The following SREBF1 variants were observed in gnomAD, a reference collection of about 807,000 sequenced individuals.
SREBF1 encodes the protein sterol regulatory element binding transcription factor 1, also known as sterol regulatory element-binding protein 1.
SREBF1 carries 45 observed loss-of-function variants against 100.1 expected under a neutral mutation model. The ratio of observed to expected loss-of-function variants is 0.45; its 90% CI spans 0.35 to 0.58. The LOEUF is 0.58. SREBF1 is among the 20% of genes least tolerant of loss of function. The pLI is 0.00. For synonymous variants in SREBF1, 657 were observed against 681.8 expected (o/e 0.96, Z 0.57); for missense variants, 1,324 against 1,539.4 (o/e 0.86, Z 2.34).
chr17:17,814,792 G>T, intron 14 of SREBF1, 43 bp downstream of exon 14: 1 of 1,609,436 alleles, frequency 6.2e-7, no homozygotes, highest in Non-Finnish European at 8.5e-7. Context: ...CACGCTGCAC[G>T]GGGGAGCTGA....
chr17:17,827,511 G>A (rs1263864298), intron 1 of SREBF1, among the ~76,000 whole-genome samples: 1 of 152,232 alleles, frequency 6.6e-6, no homozygotes, highest in Non-Finnish European at 1.5e-5. Flanking sequence ...CCTAACTGGA[G>A]TCGGCGGTCC....
rs762653602 is a variant in SREBF1 at position 17,813,767 on chromosome 17, G to A, written c.2904C>T (p.Ala968=). Residue 968 remains alanine (A), a splice_region_variant and synonymous_variant, in exon 17 of 19, where the codon GCC becomes GCT. Transcript: ENST00000261646. ...TTPASSSIDK[A]VQLFLCDLLL... ...GCAGGTCACACAGGAACAGCTGCAC[G>A]GCCTGGGGGTGGCAGGCAGGGCAGG... 72 of 1,535,298 alleles carry A rather than the reference G, an allele frequency of 4.7e-5. 1 individual carries two copies. The Middle Eastern group carries it at 1.2e-3, about 25-fold the overall frequency.
At chr17:17,813,161 C>G in intron 18 of SREBF1, 2 of 621,086 alleles carry the variant, frequency 3.2e-6, no homozygotes, top group Non-Finnish European at 5.8e-6. Context: ...CAGGGACTCT[C>G]CCTGTCACTC....
chr17:17,813,492 A>T lies in SREBF1; in HGVS notation c.3103-13T>A. ...CATGTAGGAACACCTGGGGGCCAGG[A>T]GAGTGGAGGCTCAGGGCTCTCCATC... is the stretch of plus-strand genomic sequence containing the variant. On this transcript the variant is annotated splice_polypyrimidine_tract_variant and intron_variant, in intron 17 of 18. Transcript: ENST00000261646. The T allele has an allele frequency of 6.3e-7, 1 of 1,593,126 alleles. No homozygotes were observed. The highest frequency in any genetic ancestry group is 8.5e-7 in the Non-Finnish European group (1 of 1,169,930).
intron 1 of SREBF1, among the ~76,000 whole-genome samples, chr17:17,829,205 A>AAAAAAAAAAAAAAAAAATATATAT (rs1210718799): frequency 1.5e-5 from 1 of 65,848 alleles, no homozygotes; most frequent in African/African-American, 8.8e-5. Flanking sequence ...AAAAAAAAAA[A>AAAAAAAAAAAAAAAAAATATATAT]ATATATATAT....
At chr17:17,828,535 A>G (rs1276734545) in intron 1 of SREBF1, among the ~76,000 whole-genome samples, 2 of 152,164 alleles carry the variant, frequency 1.3e-5, no homozygotes, top group Admixed American at 6.5e-5. Flanking sequence ...CATACTTATC[A>G]CTGGCAGCTG....
Position 17,814,815 on chromosome 17 carries a change from G to T in SREBF1, c.2602+20C>A. 6.2e-7 allele frequency: 1 copy of T among 1,604,444 alleles called. No individual in the cohort carries two copies. The highest frequency in any genetic ancestry group is 8.5e-7 in the Non-Finnish European group (1 of 1,176,010). ...ACGGGGGAGCTGAGAAGGGAGCCAG[G>T]ACAGGGGCCGGGGACTCACCGGTGG... On this transcript the variant is annotated intron_variant, in intron 14 of 18. Transcript: ENST00000261646.
chr17:17,814,322 G>C lies in SREBF1; in HGVS notation c.2824C>G (p.Leu942Val), dbSNP rs1422113596. 1.9e-6 allele frequency: 3 copies of C among 1,594,178 alleles called. No individual in the cohort carries two copies. Among genetic ancestry groups the C allele is most frequent in the Admixed American group, 1.7e-5 (1 of 57,500 alleles). The change falls in exon 16 of 19, where the codon CTG becomes GTG. Residue 942 changes from leucine (L) to valine (V), a missense_variant. Leu to Val is a conservative substitution (Grantham distance 32). Coordinates refer to ENST00000261646, the MANE Select transcript of SREBF1 (RefSeq NM_004176.5). ...CCACTGGCCTTCTCACAGATGGTCAGGCTGGCTGGACCAGACTCTGCCTTG... is the reference window on the plus strand; with the variant it reads ...CCACTGGCCTTCTCACAGATGGTCACGCTGGCTGGACCAGACTCTGCCTTG... ...CAKAESGPAS[L>V]TICEKASGYL...
chr17:17,815,136 G>T, intron 13 of SREBF1, 85 bp downstream of exon 13: 1 of 1,386,002 alleles, frequency 7.2e-7, no homozygotes, highest in Non-Finnish European at 1.0e-6. Flanking sequence ...CCAGCTCTGG[G>T]CTCTCTCCAC....
In SREBF1 at chr17:17,836,765, G is replaced by A; in HGVS notation, c.53C>T (p.Pro18Leu). Reference sequence around the variant, plus strand: ...CAGCAGCGCCGCGTCCAGATCGCACGGCTCGCCCAGCGCCTGCTCCAAAGC... The same window carrying A: ...CAGCAGCGCCGCGTCCAGATCGCACAGCTCGCCCAGCGCCTGCTCCAAAGC... ...EAALEQALGE[P>L]CDLDAALLTD... The change falls in exon 1 of 19, where the codon CCG becomes CTG. Residue 18 changes from proline to leucine, a missense_variant. Coordinates refer to ENST00000261646, the MANE Select transcript of SREBF1 (RefSeq NM_004176.5). 3 of 1,570,832 alleles carry A rather than the reference G, an allele frequency of 1.9e-6. No homozygotes were observed. The highest frequency in any genetic ancestry group is 2.3e-5 in the East Asian group (1 of 43,390).
chr17:17,817,335 G>A lies in SREBF1; in HGVS notation c.1527C>T (p.Ala509=), dbSNP rs2143013720. The A allele has an allele frequency of 6.2e-7, 1 of 1,606,728 alleles. No individual in the cohort carries two copies. The highest frequency in any genetic ancestry group is 8.5e-7 in the Non-Finnish European group (1 of 1,177,664). ...TATCTGAGGGGCTGGGAAGCCCCCG[G>A]GCCCCCAGCAAGGAGGCCAAGGGGT... ...SCNPLASLLG[A]RGLPSPSDTT... is the part of the protein sequence containing the mutation. The change falls in exon 8 of 19, where the codon GCC becomes GCT. Residue 509 remains alanine (A), a synonymous_variant. Coordinates refer to ENST00000261646, the MANE Select transcript of SREBF1 (RefSeq NM_004176.5). This position sits in a 1 kb window ranked among gnomAD's most constrained non-coding sequence, Gnocchi z 6.6.
chr17:17,814,454 A>G (rs898151399), intron 15 of SREBF1, 44 bp from the exon 16 acceptor site: 2 of 1,547,344 alleles, frequency 1.3e-6, no homozygotes, highest in Admixed American at 3.9e-5. Context: ...ACCAGTCCAC[A>G]AGCCCTGGCT....
At chr17:17,816,101 G>T in intron 11 of SREBF1, 73 bp from the exon 12 acceptor site, 3 of 1,525,542 alleles carry the variant, frequency 2.0e-6, no homozygotes, top group African/African-American at 3.1e-5. Flanking sequence ...TCCCAGCTTG[G>T]CCTGGAGTCC....
intron 1 of SREBF1, among the ~76,000 whole-genome samples, chr17:17,829,205 A>AAAATATATATATATATATAT (rs1210718799): frequency 2.0e-4 from 13 of 65,842 alleles, no homozygotes; most frequent in African/African-American, 1.1e-3. Context: ...AAAAAAAAAA[A>AAAATATATATATATATATAT]ATATATATAT....
Position 17,812,338 on chromosome 17 carries a change from A to C in SREBF1, c.*284T>G. 1.8e-6 allele frequency: 1 copy of C among 556,274 alleles called. No individual in the cohort carries two copies. The highest frequency in any genetic ancestry group is 3.1e-5 in the East Asian group (1 of 32,000). The allele number at this position is 556,274 out of a possible 1,614,324, so 34.5% of individuals were successfully genotyped here. ...CCCTGTACACAGGAGGAAAAAAGCC[A>C]CTAAGGTGCCTGCAGAGCAAGGAGG... On this transcript the variant is annotated 3_prime_UTR_variant, in exon 19 of 19. Transcript: ENST00000261646.
intron 1 of SREBF1, among the ~76,000 whole-genome samples, chr17:17,829,022 G>C (rs2031739959): frequency 6.6e-6 from 1 of 151,500 alleles, no homozygotes; most frequent in African/African-American, 2.4e-5. Flanking sequence ...GTGAAATCCA[G>C]CCTCTACTAA....
At chr17:17,827,799 A>G (rs1266847077) in intron 1 of SREBF1, among the ~76,000 whole-genome samples, 1 of 152,040 alleles carries the variant, frequency 6.6e-6, no homozygotes, top group Non-Finnish European at 1.5e-5. Flanking sequence ...CCTGTGGGGG[A>G]CAGCAGTGAG....
chr17:17,829,205 A>AAATATAT (rs1210718799), intron 1 of SREBF1, among the ~76,000 whole-genome samples: 4 of 65,848 alleles, frequency 6.1e-5, no homozygotes, highest in South Asian at 6.5e-4. Flanking sequence ...AAAAAAAAAA[A>AAATATAT]ATATATATAT....
intron 1 of SREBF1, chr17:17,823,599 C>A: frequency 1.2e-6 from 2 of 1,612,310 alleles, no homozygotes; most frequent in Non-Finnish European, 8.5e-7. Context: ...CTCCCCGCGC[C>A]GACTTCACCT....
Sources: gnomAD v4.1 joint callset for allele counts (sites outside exome capture counted in the v4.1 genomes callset) on GRCh38, gnomAD v4.1.1 for gene constraint, Gnocchi (gnomAD v3.1) non-coding constraint, MANE v1.5 for transcripts, NCBI Gene and HGNC (gene_info 2026-07-23, HGNC 2026-07-21) for gene names.